MTA1: variants seen among roughly 807,000 people sequenced by gnomAD.
MTA1 encodes metastasis-associated protein MTA1.
MTA1 carries 15 observed loss-of-function variants against 97.0 expected under a neutral mutation model. The observed-to-expected ratio is 0.15, with a 90% CI of 0.10 to 0.24. The LOEUF (loss-of-function observed/expected upper bound fraction) is 0.24, where lower values mean the gene tolerates loss of function less well. MTA1 is among the 10% of genes least tolerant of loss of function. The probability of loss-of-function intolerance (pLI) is 1.00; values close to 1 mark genes in which losing one functional copy is unlikely to be tolerated. For synonymous variants in MTA1, 435 were observed against 417.5 expected, an observed-to-expected ratio of 1.04 and a Z score of -0.51; for missense variants, 709 against 1,015.1, an observed-to-expected ratio of 0.70 and a Z score of 4.10.
At chr14:105,437,572 C>G (rs1180200658) in intron 1 of MTA1, among the ~76,000 whole-genome samples, 1 of 152,246 alleles carries the variant, frequency 6.6e-6, no homozygotes, top group East Asian at 1.9e-4. Context: ...GGGAGATGCT[C>G]TCCAGGCCCC....
At chr14:105,429,185 G>C (rs898706934) in intron 1 of MTA1, among the ~76,000 whole-genome samples, 7 of 152,150 alleles carry the variant, frequency 4.6e-5, no homozygotes, top group African/African-American at 1.7e-4. Context: ...TCTGGCTTCG[G>C]GGAATGTGTC....
intron 19 of MTA1, 43 bp from the exon 20 acceptor site, chr14:105,469,795 GAGC>G (rs1567052467): frequency 2.0e-6 from 3 of 1,507,616 alleles, no homozygotes; most frequent in Admixed American, 4.6e-5. Flanking sequence ...GGTTGAGGTG[GAGC>G]TGGCCCTTGG....
intron 1 of MTA1, among the ~76,000 whole-genome samples, chr14:105,426,818 C>A (rs1371950878): frequency 6.6e-6 from 1 of 152,234 alleles, no homozygotes; most frequent in African/African-American, 2.4e-5. Flanking sequence ...GATAAAAATA[C>A]AGGACACCCC....
intron 17 of MTA1, 39 bp from the exon 18 acceptor site, chr14:105,466,668 G>A (rs782461763): frequency 6.2e-6 from 10 of 1,603,090 alleles, no homozygotes; most frequent in African/African-American, 1.3e-5. Flanking sequence ...GCGTGCTGAC[G>A]CTGTCTTCTC....
intron 9 of MTA1, 122 bp from the exon 10 acceptor site, chr14:105,460,643 G>T: frequency 7.9e-7 from 1 of 1,264,216 alleles, no homozygotes; most frequent in South Asian, 1.5e-5. Flanking sequence ...TGAGGGTGCA[G>T]GGAGGGTTGT....
At chr14:105,452,233 C>G (rs2082972740) in intron 6 of MTA1, among the ~76,000 whole-genome samples, 1 of 152,256 alleles carries the variant, frequency 6.6e-6, no homozygotes. Context: ...TGCCTCGCCT[C>G]AAATAACCCT....
chr14:105,466,652 C>T (rs1301502581), intron 17 of MTA1, 55 bp from the exon 18 acceptor site: 125 of 1,596,260 alleles, frequency 7.8e-5, no homozygotes, highest in Non-Finnish European at 1.0e-4. Flanking sequence ...CCCGGGCACC[C>T]GCCGTGCGTG....
chr14:105,438,580 C>T, intron 1 of MTA1, 92 bp from the exon 2 acceptor site: 1 of 1,118,810 alleles, frequency 8.9e-7, no homozygotes, highest in Admixed American at 1.7e-5. Flanking sequence ...TGACACTGCC[C>T]CGCCTGAGCC....
At chr14:105,432,730 G>T (rs1373443318) in intron 1 of MTA1, among the ~76,000 whole-genome samples, 1 of 152,200 alleles carries the variant, frequency 6.6e-6, no homozygotes, top group Non-Finnish European at 1.5e-5. Flanking sequence ...CTGTGATGAA[G>T]TCACTTTGGC....
chr14:105,426,375 CAA>C lies in MTA1; in HGVS notation c.28+6332_28+6333del, dbSNP rs781801650. Among the ~76,000 whole-genome samples the C allele has an allele frequency of 1.3e-4, 14 of 104,074 alleles. No individual in the cohort carries two copies. In the South Asian group the frequency reaches 4.1e-3, roughly 30 times the overall value. 68.3% of individuals were successfully genotyped at this position (104,074 alleles called of 152,430 possible). Reference sequence around the variant, plus strand: ...GGTGACAGAGCGAGACTTCGTCTCACAAAAAAAAAAAAAAAAAAAAAGAGCCT... The same window carrying C: ...GGTGACAGAGCGAGACTTCGTCTCACAAAAAAAAAAAAAAAAAAAGAGCCT... On this transcript the variant is annotated intron_variant, in intron 1 of 20. Coordinates refer to ENST00000331320, the MANE Select transcript of MTA1 (RefSeq NM_004689.4).
At chr14:105,421,824 C>T (rs1333045498) in intron 1 of MTA1, among the ~76,000 whole-genome samples, 22 of 152,350 alleles carry the variant, frequency 1.4e-4, no homozygotes, top group Admixed American at 3.3e-4. Flanking sequence ...AGGAGCCCTT[C>T]GTGGGGCTGC....
intron 16 of MTA1, 138 bp downstream of exon 16, chr14:105,465,321 G>T (rs1207966583): frequency 1.5e-6 from 1 of 685,618 alleles, no homozygotes; most frequent in Non-Finnish European, 2.2e-6. Context: ...CTGTCCTTTT[G>T]GGGTACTCTG....
chr14:105,430,537 C>T (rs116567024), intron 1 of MTA1, among the ~76,000 whole-genome samples: 3,187 of 152,238 alleles, frequency 0.021, 109 homozygotes, highest in African/African-American at 0.068. Flanking sequence ...GACAGCAACA[C>T]GTAGTGAGCA....
In MTA1 at chr14:105,422,670, A is replaced by G. The variant is rs2081883037; in HGVS notation, c.28+2607A>G. Among the ~76,000 whole-genome samples the G allele has an allele frequency of 6.6e-6, 1 of 152,218 alleles. No homozygotes were observed. The highest frequency in any genetic ancestry group is 2.4e-5 in the African/African-American group (1 of 41,462). On this transcript the variant is annotated intron_variant, in intron 1 of 20. Transcript: ENST00000331320. The surrounding 1 kb of genome is among the most constrained non-coding windows in gnomAD (Gnocchi z 4.3). ...ACTTGTCCCAGAAGATTCTTATCTG[A>G]CATTCACAGTTATCTGGGCAACCCG...
chr14:105,460,742 G>T, intron 9 of MTA1, 23 bp from the exon 10 acceptor site: 1 of 1,546,102 alleles, frequency 6.5e-7, no homozygotes, highest in Non-Finnish European at 8.7e-7. Context: ...TGGCCCGGGT[G>T]ACCCTGCTGT....
At position 105,463,171 on chromosome 14, in the gene MTA1, T is replaced by G. The variant is rs1555431445; in HGVS notation, c.943-13T>G. 11 of 1,610,306 alleles carry G rather than the reference T, an allele frequency of 6.8e-6. No individual in the cohort carries two copies. The South Asian group carries it at 1.2e-4, about 18-fold the overall frequency. ...CCCCTTCCTGCTTGTGTGACACGCC[T>G]CCTCCCACCCAGCTCCCGTGGAAGT... On this transcript the variant is annotated splice_polypyrimidine_tract_variant and intron_variant, in intron 10 of 20. Transcript: ENST00000331320. The surrounding 1 kb of genome is among the most constrained non-coding windows in gnomAD (Gnocchi z 5.9).
In MTA1 at chr14:105,463,119, C is replaced by G. The variant is rs1384908884; in HGVS notation, c.943-65C>G. 3.3e-6 allele frequency: 5 copies of G among 1,513,322 alleles called. No individual in the cohort carries two copies. Among genetic ancestry groups the G allele is most frequent in the Non-Finnish European group, 4.6e-6 (5 of 1,097,718 alleles). 93.7% of individuals were successfully genotyped at this position (1,513,322 alleles called of 1,614,324 possible). On this transcript the variant is annotated intron_variant, in intron 10 of 20. Transcript: ENST00000331320. This position sits in a 1 kb window ranked among gnomAD's most constrained non-coding sequence, Gnocchi z 5.9. ...TGGCCTTCTGGCCGCAGCCCTGCCC[C>G]TGCCTGCATGGTGTGCCTGCCTCCT...
At chr14:105,428,835 C>G (rs1265338657) in intron 1 of MTA1, among the ~76,000 whole-genome samples, 1 of 151,996 alleles carries the variant, frequency 6.6e-6, no homozygotes, top group Non-Finnish European at 1.5e-5. Context: ...GTGATCCTCC[C>G]CACTTCAGCC....
rs782350077 is a variant in MTA1, at chr14:105,469,508, A to G, written c.1845+10A>G. 1.2e-6 allele frequency: 2 copies of G among 1,612,470 alleles called. No individual in the cohort carries two copies. The highest frequency in any genetic ancestry group is 3.3e-5 in the Admixed American group (2 of 60,016). On this transcript the variant is annotated intron_variant, in intron 19 of 20. Coordinates refer to ENST00000331320, the MANE Select transcript of MTA1 (RefSeq NM_004689.4). ...ACAGGCCAGGCACATGGTAAGAGGA[A>G]CAACCCATGATGGGGTACGGTGCGC... is the stretch of plus-strand genomic sequence containing the variant.
Sources: allele counts gnomAD v4.1 joint callset (sites outside exome capture counted in the v4.1 genomes callset), GRCh38; gene constraint gnomAD v4.1.1; non-coding constraint Gnocchi (gnomAD v3.1); transcripts MANE v1.5; gene names NCBI Gene and HGNC (gene_info 2026-07-23, HGNC 2026-07-21).